Variants in ZNF277 observed in about 807,000 individuals in gnomAD.
ZNF277 encodes zinc finger protein 277, also known as nuclear receptor-interacting factor 4.
A neutral mutation model predicts 60.7 loss-of-function variants in ZNF277; 55 were observed. The ratio of observed to expected loss-of-function variants is 0.91; its 90% CI spans 0.73 to 1.13. The LOEUF is 1.13. ZNF277 is among the 50% of genes most tolerant of loss of function. ZNF277 has a pLI of 0.00. For missense variants in ZNF277, 510 were observed against 523.0 expected (o/e 0.98, Z 0.24); for synonymous variants, 178 against 179.3 (o/e 0.99, Z 0.06).
At chr7:112,294,835 A>T (rs1299161785) in intron 2 of ZNF277, among the ~76,000 whole-genome samples, 2 of 152,178 alleles carry the variant, frequency 1.3e-5, no homozygotes, top group Admixed American at 1.3e-4. Flanking sequence ...GGAATTGGGG[A>T]CTACTTAGAG....
At chr7:112,319,836 CCTT>C (rs1355225077) in intron 5 of ZNF277, among the ~76,000 whole-genome samples, 1 of 151,622 alleles carries the variant, frequency 6.6e-6, no homozygotes, top group Non-Finnish European at 1.5e-5. Flanking sequence ...CTAACTTTGT[CCTT>C]CTATTTCAAA....
At chr7:112,318,396 C>A in intron 5 of ZNF277, 123 bp downstream of exon 5, 2 of 756,970 alleles carry the variant, frequency 2.6e-6, no homozygotes, top group Non-Finnish European at 4.2e-6. Context: ...CGTATATAAG[C>A]AGTCCTTTTT....
chr7:112,274,356 C>T (rs921160021), intron 1 of ZNF277, among the ~76,000 whole-genome samples: 2 of 152,126 alleles, frequency 1.3e-5, no homozygotes, highest in South Asian at 4.2e-4. Flanking sequence ...TGAGTCTTGC[C>T]ATGTTACCCA....
rs10710470 is a variant in ZNF277, at chr7:112,286,841, C to CTT, written c.92-14_92-13dup. Reference sequence around the variant, plus strand: ...AGTTGGTTTCAGCTTTTCTTTCTTTCTTTTTTTTTTTTTTTTTTTGGTCTA... The same window carrying CTT: ...AGTTGGTTTCAGCTTTTCTTTCTTTCTTTTTTTTTTTTTTTTTTTTTGGTCTA... On this transcript the variant is annotated intron_variant, in intron 1 of 11. Coordinates refer to ENST00000361822, the MANE Select transcript of ZNF277 (RefSeq NM_021994.3). 352 of 952,160 alleles carry CTT rather than the reference C, an allele frequency of 3.7e-4. 1 individual carries two copies. Among genetic ancestry groups the CTT allele is most frequent in the African/African-American group, 9.5e-4 (34 of 35,734 alleles). The allele number at this position is 952,160 out of a possible 1,614,324, so 59.0% of individuals were successfully genotyped here. A position where few individuals can be genotyped will look rare whatever the true frequency, so the allele number is the denominator to read the frequency against.
chr7:112,257,586 G>T (rs1390762616), intron 1 of ZNF277, among the ~76,000 whole-genome samples: 1 of 152,096 alleles, frequency 6.6e-6, no homozygotes, highest in Non-Finnish European at 1.5e-5. Flanking sequence ...TTAGGTATTA[G>T]TAATACCTGT....
chr7:112,255,223 T>C (rs1791281799), intron 1 of ZNF277, among the ~76,000 whole-genome samples: 1 of 152,146 alleles, frequency 6.6e-6, no homozygotes, highest in African/African-American at 2.4e-5. Flanking sequence ...ATCAAAAGCA[T>C]ACAGTAAAAA....
chr7:112,339,108 G>T (rs994282382), intron 9 of ZNF277, among the ~76,000 whole-genome samples: 2 of 152,202 alleles, frequency 1.3e-5, no homozygotes, highest in African/African-American at 2.4e-5. Context: ...AGCATAAAAT[G>T]AAAAGCAGAA....
At chr7:112,232,038 A>AATACATATAT (rs1563198607) in intron 1 of ZNF277, among the ~76,000 whole-genome samples, 2 of 100,654 alleles carry the variant, frequency 2.0e-5, no homozygotes, top group African/African-American at 9.0e-5. Context: ...AAAATAAATA[A>AATACATATAT]ATACATATAT....
At chr7:112,338,830 A>T (rs975583019) in intron 9 of ZNF277, among the ~76,000 whole-genome samples, 1 of 152,218 alleles carries the variant, frequency 6.6e-6, no homozygotes, top group Non-Finnish European at 1.5e-5. Flanking sequence ...CATCCTTGAC[A>T]GGTGTCCTTA....
intron 1 of ZNF277, among the ~76,000 whole-genome samples, chr7:112,250,412 T>C (rs906152900): frequency 1.3e-4 from 20 of 152,200 alleles, no homozygotes; most frequent in African/African-American, 4.3e-4. Flanking sequence ...TGCCTTGTGA[T>C]ATTCTATTAC....
chr7:112,340,323 T>A (rs900895473), intron 10 of ZNF277, among the ~76,000 whole-genome samples: 24 of 152,188 alleles, frequency 1.6e-4, no homozygotes, highest in African/African-American at 3.9e-4. Context: ...TAGCTAGGAT[T>A]GTTTGTTATA....
intron 1 of ZNF277, among the ~76,000 whole-genome samples, chr7:112,265,067 T>A (rs1003964392): frequency 6.6e-6 from 1 of 152,154 alleles, no homozygotes; most frequent in African/African-American, 2.4e-5. Context: ...TCCATATAAG[T>A]TGTTTTGCTT....
rs10270224 is a variant in ZNF277 at position 112,256,142 on chromosome 7, T to C, written c.92-30731T>C. Among the ~76,000 whole-genome samples, 669 of 152,310 alleles carry C rather than the reference T, an allele frequency of 4.4e-3. 6 individuals are homozygous for C. The highest frequency in any genetic ancestry group is 0.015 in the African/African-American group (642 of 41,562). ...TTTTTGAATGATTGAATAAGAGATT[T>C]CTACATATAATAGGCATGGCACACG... is the stretch of plus-strand genomic sequence containing the variant. On this transcript the variant is annotated intron_variant, in intron 1 of 11. Coordinates refer to ENST00000361822, the MANE Select transcript of ZNF277 (RefSeq NM_021994.3).
chr7:112,316,064 C>A (rs1370204398), intron 4 of ZNF277, among the ~76,000 whole-genome samples: 1 of 152,096 alleles, frequency 6.6e-6, no homozygotes, highest in Non-Finnish European at 1.5e-5. Context: ...AAATTTGGCA[C>A]CAAGTAGCTA....
intron 1 of ZNF277, among the ~76,000 whole-genome samples, chr7:112,220,571 G>A (rs1231908677): frequency 6.6e-6 from 1 of 152,154 alleles, no homozygotes; most frequent in Non-Finnish European, 1.5e-5. Context: ...GCTGAGCATG[G>A]GCATCCTTGT....
At chr7:112,257,706 C>A (rs1454790428) in intron 1 of ZNF277, among the ~76,000 whole-genome samples, 4 of 152,154 alleles carry the variant, frequency 2.6e-5, no homozygotes, top group Non-Finnish European at 5.9e-5. Flanking sequence ...AACATACCTT[C>A]TCTAAGGAAG....
At chr7:112,310,249 A>G (rs1157700333) in intron 4 of ZNF277, among the ~76,000 whole-genome samples, 3 of 151,930 alleles carry the variant, frequency 2.0e-5, no homozygotes, top group South Asian at 2.1e-4. Flanking sequence ...TGTCATTTAT[A>G]TAAACTATCA....
At chr7:112,282,883 G>A (rs1304930001) in intron 1 of ZNF277, among the ~76,000 whole-genome samples, 1 of 152,218 alleles carries the variant, frequency 6.6e-6, no homozygotes, top group Non-Finnish European at 1.5e-5. Context: ...TCCTTCATCT[G>A]TAAAACAGAG....
Position 112,342,638 on chromosome 7 carries a change from A to C in ZNF277, c.1262A>C (p.Glu421Ala), listed in dbSNP as rs1464868102. 6.8e-6 allele frequency: 11 copies of C among 1,613,120 alleles called. No individual in the cohort carries two copies. Among genetic ancestry groups the C allele is most frequent in the Non-Finnish European group, 9.3e-6 (11 of 1,179,892 alleles). ...SDSESDLTAQ[E>A]QNENVPIISE... ...AGTGAAAGTGACCTGACAGCTCAGG[A>C]ACAAAATGAAAATGTTCCCATCATC... Residue 421 changes from glutamate (E) to alanine (A), a missense_variant, in exon 12 of 12, where the codon GAA becomes GCA. Physicochemically the swap from Glu to Ala is moderately radical, Grantham distance 107. Coordinates refer to ENST00000361822, the MANE Select transcript of ZNF277 (RefSeq NM_021994.3).
Sources: gnomAD v4.1 joint callset for allele counts (sites outside exome capture counted in the v4.1 genomes callset) on GRCh38, gnomAD v4.1.1 for gene constraint, MANE v1.5 for transcripts, NCBI Gene and HGNC (gene_info 2026-07-23, HGNC 2026-07-21) for gene names.